SPC25: variants seen among roughly 807,000 people sequenced by gnomAD.
SPC25 encodes the protein SPC25 component of NDC80 kinetochore complex.
In SPC25, 22 loss-of-function variants were observed where a neutral mutation model predicts 29.6. That is an observed-to-expected ratio of 0.74 (90% CI 0.53 to 1.06). SPC25 has a LOEUF of 1.06. SPC25 is among the 50% of genes least tolerant of loss of function. The pLI, the probability that SPC25 is intolerant of heterozygous loss-of-function variation, is 0.00. For synonymous variants in SPC25, 91 were observed against 90.4 expected (o/e 1.01, Z -0.04); for missense variants, 230 against 255.8 (o/e 0.90, Z 0.69).
chr2:168,876,598 T>TTC (rs1690090862), intron 4 of SPC25, among the ~76,000 whole-genome samples: 1 of 61,630 alleles, frequency 1.6e-5, no homozygotes, highest in Admixed American at 1.7e-4. Context: ...GTTTAGTTTT[T>TTC]TCTTTTTTTT....
At chr2:168,875,756 A>G (rs1180561890) in intron 5 of SPC25, among the ~76,000 whole-genome samples, 1 of 152,162 alleles carries the variant, frequency 6.6e-6, no homozygotes, top group East Asian at 1.9e-4. Flanking sequence ...GAATTATTAC[A>G]TCACTACTTA....
At chr2:168,875,383 AG>A (rs1449563794) in intron 5 of SPC25, among the ~76,000 whole-genome samples, 9 of 152,218 alleles carry the variant, frequency 5.9e-5, no homozygotes, top group African/African-American at 2.2e-4. Context: ...ATCATAAGTC[AG>A]GGACTGTCCA....
chr2:168,878,496 A>C (rs1181148723), intron 3 of SPC25, among the ~76,000 whole-genome samples: 1 of 152,244 alleles, frequency 6.6e-6, no homozygotes, highest in East Asian at 1.9e-4. Flanking sequence ...AAAGGAATAA[A>C]ATAGATGCCA....
chr2:168,870,515 AAAAC>A (rs1288979544), downstream of SPC25, among the ~76,000 whole-genome samples: 4 of 152,050 alleles, frequency 2.6e-5, no homozygotes, highest in South Asian at 2.1e-4. Context: ...TTACAAGAAA[AAAAC>A]AAACAACCCC....
At chr2:168,877,740 T>C (rs956389352) in intron 3 of SPC25, among the ~76,000 whole-genome samples, 1 of 152,090 alleles carries the variant, frequency 6.6e-6, no homozygotes, top group African/African-American at 2.4e-5. Flanking sequence ...TATTTTATTT[T>C]TATATTTTTT....
At chr2:168,864,478 G>A (rs1226701679) in intron 4 of SPC25, among the ~76,000 whole-genome samples, 1 of 134,488 alleles carries the variant, frequency 7.4e-6, no homozygotes, top group African/African-American at 2.8e-5. Flanking sequence ...CAGAGAAGGG[G>A]TTTCACCATG....
intron 3 of SPC25, among the ~76,000 whole-genome samples, chr2:168,886,375 G>T (rs914100181): frequency 6.6e-6 from 1 of 151,458 alleles, no homozygotes; most frequent in African/African-American, 2.4e-5. Context: ...TTTTAATTGT[G>T]GTTTCCCTAT....
At chr2:168,888,700 T>C (rs1282375940) in intron 3 of SPC25, among the ~76,000 whole-genome samples, 7 of 151,840 alleles carry the variant, frequency 4.6e-5, no homozygotes, top group Non-Finnish European at 1.0e-4. Context: ...TTTATTCCTA[T>C]ATATAAGCAC....
rs1264199259 is a variant in SPC25, at chr2:168,873,580, C to T, written c.550+5G>A. The T allele has an allele frequency of 6.3e-7, 1 of 1,593,702 alleles. No homozygotes were observed. The highest frequency in any genetic ancestry group is 8.6e-7 in the Non-Finnish European group (1 of 1,162,430). ...AAATACCAGTTAGGAGATATTAGTA[C>T]ATACCTTCATAGTCCCTTGCTTCAT... On this transcript the variant is annotated splice_donor_5th_base_variant and intron_variant, in intron 6 of 6. Coordinates refer to ENST00000282074, the MANE Select transcript of SPC25 (RefSeq NM_020675.4).
intron 4 of SPC25, chr2:168,864,902 G>T (rs1444050704): frequency 1.9e-6 from 3 of 1,614,048 alleles, no homozygotes; most frequent in Non-Finnish European, 2.5e-6. Context: ...TGGGAAAAAA[G>T]GCCATTTTCC....
At chr2:168,871,577 A>G (rs747829917) in intron 6 of SPC25, 22 bp from the exon 7 acceptor site, 4 of 1,547,464 alleles carry the variant, frequency 2.6e-6, no homozygotes, top group Admixed American at 2.2e-5. Context: ...AAAAAAAGAA[A>G]TCAAAGACAA....
downstream of SPC25, among the ~76,000 whole-genome samples, chr2:168,868,669 C>A (rs1433407144): frequency 6.6e-6 from 1 of 152,150 alleles, no homozygotes; most frequent in Non-Finnish European, 1.5e-5. Flanking sequence ...GAAGTTGAAT[C>A]TCTGAATAGG....
intron 3 of SPC25, 27 bp downstream of exon 3, chr2:168,889,199 C>A (rs1690347694): frequency 5.0e-6 from 8 of 1,592,744 alleles, no homozygotes; most frequent in Admixed American, 1.7e-5. Flanking sequence ...CTAAAAAAAA[C>A]CCCATGATTT....
chr2:168,886,089 T>A (rs951509761), intron 3 of SPC25, among the ~76,000 whole-genome samples: 2 of 142,878 alleles, frequency 1.4e-5, no homozygotes, highest in Non-Finnish European at 3.0e-5. Context: ...GGTCTCACTC[T>A]GTCGCCCAGG....
At chr2:168,884,553 A>G (rs1690226484) in intron 3 of SPC25, among the ~76,000 whole-genome samples, 1 of 152,178 alleles carries the variant, frequency 6.6e-6, no homozygotes, top group Non-Finnish European at 1.5e-5. Context: ...CAAAATATCT[A>G]TCTCAATCTT....
downstream of SPC25, among the ~76,000 whole-genome samples, chr2:168,869,431 A>T (rs1030347760): frequency 2.6e-5 from 4 of 152,238 alleles, no homozygotes; most frequent in African/African-American, 9.6e-5. Flanking sequence ...CTGTTTGCAG[A>T]TGACATGATT....
At chr2:168,869,346 G>C (rs1433736539), downstream of SPC25, among the ~76,000 whole-genome samples, 3 of 152,188 alleles carry the variant, frequency 2.0e-5, no homozygotes, top group Non-Finnish European at 4.4e-5. Flanking sequence ...AGTGTTGGAA[G>C]TTCTGGCCAG....
chr2:168,863,142 C>A lies in SPC25; in HGVS notation n.419+10443G>T, dbSNP rs142199375. On this transcript the variant is annotated intron_variant and non_coding_transcript_variant, in intron 4 of 4. Transcript: ENST00000479309. The stretch of plus-strand genomic sequence containing the variant: ...AGTTCTCTGTTGGTTGCAAAGCCTA[C>A]TTATACTTTATATTCTAAGCAGTTT... Among the ~76,000 whole-genome samples, 1,241 of 152,234 alleles carry A rather than the reference C, an allele frequency of 8.2e-3. 14 individuals are homozygous for A. Among genetic ancestry groups the A allele is most frequent in the South Asian group, 0.036 (172 of 4,810 alleles).
At chr2:168,889,626 C>A in intron 1 of SPC25, 93 bp from the exon 2 acceptor site, 1 of 1,338,798 alleles carries the variant, frequency 7.5e-7, no homozygotes, top group South Asian at 1.5e-5. Context: ...GCAATTTGTC[C>A]TTTGCTAGAA....
Sources: gnomAD v4.1 joint callset for allele counts (sites outside exome capture counted in the v4.1 genomes callset) on GRCh38, gnomAD v4.1.1 for gene constraint, MANE v1.5 for transcripts, NCBI Gene and HGNC (gene_info 2026-07-23, HGNC 2026-07-21) for gene names.